HTR4: variants seen among roughly 807,000 people sequenced by gnomAD.
HTR4 encodes 5-hydroxytryptamine receptor 4, also known as 5-hydroxytryptamine (serotonin) receptor 4, G protein-coupled.
A neutral mutation model predicts 36.8 loss-of-function variants in HTR4; 16 were observed. The ratio of observed to expected loss-of-function variants is 0.43; its 90% CI spans 0.29 to 0.66. The LOEUF is 0.66. Ranked by LOEUF, HTR4 falls within the 30% of genes least tolerant of loss-of-function variation. HTR4 has a pLI of 0.13. For missense variants in HTR4, 438 were observed against 490.9 expected (o/e 0.89, Z 1.02); for synonymous variants, 189 against 185.1 (o/e 1.02, Z -0.17).
At chr5:148,613,856 C>T (rs1752547263) in intron 2 of HTR4, among the ~76,000 whole-genome samples, 1 of 152,010 alleles carries the variant, frequency 6.6e-6, no homozygotes. Context: ...AATCAATGTG[C>T]AAAAATCACA....
At chr5:148,455,351 A>G (rs1271023103) in intron 5 of HTR4, among the ~76,000 whole-genome samples, 3 of 152,190 alleles carry the variant, frequency 2.0e-5, no homozygotes, top group East Asian at 1.9e-4. Context: ...TGAAAAAGGT[A>G]TCCTAGTTGA....
intron 2 of HTR4, among the ~76,000 whole-genome samples, chr5:148,609,668 C>A (rs992793608): frequency 6.6e-6 from 1 of 151,496 alleles, no homozygotes; most frequent in Non-Finnish European, 1.5e-5. Flanking sequence ...AGGGTTCATG[C>A]CATTCTCCTG....
chr5:148,548,270 C>A (rs1759486636), intron 4 of HTR4, among the ~76,000 whole-genome samples: 1 of 152,188 alleles, frequency 6.6e-6, no homozygotes, highest in South Asian at 2.1e-4. Context: ...TATGTTCAAA[C>A]ATAGGGCATT....
At chr5:148,522,422 A>C (rs1295525298) in intron 5 of HTR4, among the ~76,000 whole-genome samples, 1 of 152,204 alleles carries the variant, frequency 6.6e-6, no homozygotes, top group Non-Finnish European at 1.5e-5. Context: ...TGGGCATGTT[A>C]CTTAACCTTA....
chr5:148,589,477 T>C (rs1031937860), intron 2 of HTR4, among the ~76,000 whole-genome samples: 5 of 152,190 alleles, frequency 3.3e-5, no homozygotes, highest in African/African-American at 9.6e-5. Flanking sequence ...TAGCTTTTCA[T>C]TTATTGTATT....
intron 5 of HTR4, among the ~76,000 whole-genome samples, chr5:148,522,052 G>A (rs141102456): frequency 2.8e-4 from 43 of 152,182 alleles, no homozygotes; most frequent in East Asian, 7.7e-4. Flanking sequence ...TACTTTTCTC[G>A]TGGTAGTGAA....
chr5:148,475,225 T>C (rs1337030118), downstream of HTR4, among the ~76,000 whole-genome samples: 1 of 152,198 alleles, frequency 6.6e-6, no homozygotes, highest in Non-Finnish European at 1.5e-5. Flanking sequence ...AATACCTCTA[T>C]TTTTAGCAAT....
At chr5:148,466,364 T>C (rs527483816) in intron 5 of HTR4, among the ~76,000 whole-genome samples, 1 of 152,318 alleles carries the variant, frequency 6.6e-6, no homozygotes, top group East Asian at 1.9e-4. Context: ...TCCCTTTCCT[T>C]CTTTTAAACA....
At chr5:148,523,465 C>G in intron 4 of HTR4, 119 bp from the exon 5 acceptor site, 3 of 658,706 alleles carry the variant, frequency 4.6e-6, no homozygotes, top group Non-Finnish European at 7.1e-6. Flanking sequence ...GGATAGAGAA[C>G]AGCAAACATT....
Position 148,486,726 on chromosome 5 carries a change from C to T in HTR4, c.1077-3433G>A, listed in dbSNP as rs190910943. Among the ~76,000 whole-genome samples the T allele has an allele frequency of 1.8e-4, 28 of 152,260 alleles. No individual in the cohort carries two copies. The East Asian group carries it at 5.4e-3, about 29-fold the overall frequency. On this transcript the variant is annotated intron_variant, in intron 6 of 6. Transcript: ENST00000377888. ...AATATTCTATTGTTAGTATCTGATA[C>T]TTTATATTCCATGTGGAGGGAAGAG...
chr5:148,612,164 T>G (rs1752461294), intron 2 of HTR4, among the ~76,000 whole-genome samples: 1 of 152,186 alleles, frequency 6.6e-6, no homozygotes, highest in African/African-American at 2.4e-5. Context: ...AACTCAGCTC[T>G]GCACCAAGCG....
At chr5:148,487,485 C>T (rs2113727961) in intron 6 of HTR4, among the ~76,000 whole-genome samples, 1 of 152,194 alleles carries the variant, frequency 6.6e-6, no homozygotes, top group East Asian at 1.9e-4. Flanking sequence ...AGGCTATGTG[C>T]ATGAGAACTA....
At chr5:148,559,397 T>C (rs1182189099) in intron 2 of HTR4, among the ~76,000 whole-genome samples, 1 of 152,180 alleles carries the variant, frequency 6.6e-6, no homozygotes, top group East Asian at 1.9e-4. Context: ...CAGATAATAA[T>C]CACATTGCTA....
chr5:148,596,000 C>T (rs996688318), intron 2 of HTR4, among the ~76,000 whole-genome samples: 1 of 152,338 alleles, frequency 6.6e-6, no homozygotes, highest in South Asian at 2.1e-4. Flanking sequence ...CCACGGACTT[C>T]CGATCAAAGA....
chr5:148,629,684 A>G (rs918300766), intron 2 of HTR4: 2 of 152,220 alleles, frequency 1.3e-5, no homozygotes, highest in East Asian at 3.9e-4. Flanking sequence ...AGCTTCCTGC[A>G]GTCAAGCAGA....
chr5:148,577,663 T>C (rs1337235043), intron 2 of HTR4, among the ~76,000 whole-genome samples: 1 of 152,124 alleles, frequency 6.6e-6, no homozygotes, highest in Non-Finnish European at 1.5e-5. Context: ...TCACGTCTTT[T>C]GCAGGAAAAT....
chr5:148,502,633 C>T (rs896519386), intron 6 of HTR4, among the ~76,000 whole-genome samples: 3 of 152,198 alleles, frequency 2.0e-5, no homozygotes, highest in South Asian at 4.1e-4. Context: ...AGAAATGGAA[C>T]AAAACTGGAT....
chr5:148,629,347 C>A (rs142182370), intron 2 of HTR4: 1 of 152,196 alleles, frequency 6.6e-6, no homozygotes, highest in Non-Finnish European at 1.5e-5. Context: ...TGAAATACTT[C>A]TATCTCAAGC....
intron 6 of HTR4, among the ~76,000 whole-genome samples, chr5:148,491,227 G>C (rs974325184): frequency 3.9e-5 from 6 of 152,130 alleles, no homozygotes; most frequent in African/African-American, 1.4e-4. Context: ...TAGTGGAAAG[G>C]GCTTATCTGC....
Sources: gnomAD v4.1 joint callset for allele counts (sites outside exome capture counted in the v4.1 genomes callset) on GRCh38, gnomAD v4.1.1 for gene constraint, MANE v1.5 for transcripts, NCBI Gene and HGNC (gene_info 2026-07-23, HGNC 2026-07-21) for gene names.